AGBL1: variants seen among roughly 807,000 people sequenced by gnomAD.
AGBL1 encodes AGBL carboxypeptidase 1, also known as cytosolic carboxypeptidase 4.
In AGBL1, 130 loss-of-function variants were observed where a neutral mutation model predicts 118.9. The ratio of observed to expected loss-of-function variants is 1.09; its 90% CI spans 0.95 to 1.26. The LOEUF (loss-of-function observed/expected upper bound fraction) is 1.26. Among genes scored for constraint, AGBL1 ranks in the 50% most tolerant of loss-of-function variants. AGBL1 has a pLI of 0.00. For synonymous variants in AGBL1, 555 were observed against 478.9 expected (o/e 1.16, Z -2.08); for missense variants, 1,584 against 1,298.1 (o/e 1.22, Z -3.38).
intron 5 of AGBL1, among the ~76,000 whole-genome samples, chr15:86,199,612 G>T (rs1047411779): frequency 6.6e-6 from 1 of 152,162 alleles, no homozygotes; most frequent in Non-Finnish European, 1.5e-5. Flanking sequence ...ACACTGAACT[G>T]TTACGGAAAT....
chr15:86,199,899 A>C (rs1367496867), intron 5 of AGBL1, among the ~76,000 whole-genome samples: 1 of 152,236 alleles, frequency 6.6e-6, no homozygotes, highest in African/African-American at 2.4e-5. Context: ...CCCTAAAGCC[A>C]TCCAATCCTA....
chr15:87,019,195 G>A (rs2570111), intron 24 of AGBL1, among the ~76,000 whole-genome samples: 54,066 of 151,594 alleles, frequency 0.36, 10,238 homozygotes, highest in East Asian at 0.51. Flanking sequence ...CTCCATGGAC[G>A]TTATTAGACA....
intron 18 of AGBL1, among the ~76,000 whole-genome samples, chr15:86,400,605 C>A (rs373560727): frequency 2.9e-4 from 41 of 138,984 alleles, no homozygotes; most frequent in African/African-American, 1.0e-3. Context: ...TTATCCCTCA[C>A]CCCCCAACTC....
At chr15:86,883,187 A>G (rs1259389072) in intron 22 of AGBL1, among the ~76,000 whole-genome samples, 1 of 152,366 alleles carries the variant, frequency 6.6e-6, no homozygotes, top group East Asian at 1.9e-4. Flanking sequence ...TGAACAAGTT[A>G]TATTTAAATA....
chr15:86,204,535 TTTCTC>T lies in AGBL1; in HGVS notation c.489-20366_489-20362del, dbSNP rs758949299. On this transcript the variant is annotated intron_variant, in intron 5 of 22. Coordinates refer to ENST00000614907, the MANE Select transcript of AGBL1 (RefSeq NM_001386094.1). ...CCCCTTCCCCTTCCTTCCTTCCTTTTTTCTCTTCTCTTCTCTTTGCTTGCTTGCTC... is the reference window on the plus strand; with the variant it reads ...CCCCTTCCCCTTCCTTCCTTCCTTTTTTCTCTTCTCTTTGCTTGCTTGCTC... Among the ~76,000 whole-genome samples the T allele has an allele frequency of 4.9e-3, 740 of 151,516 alleles. 4 individuals carry two copies. Among genetic ancestry groups the T allele is most frequent in the African/African-American group, 0.011 (456 of 41,264 alleles).
At chr15:86,583,667 T>C (rs2084206062) in intron 21 of AGBL1, among the ~76,000 whole-genome samples, 1 of 152,110 alleles carries the variant, frequency 6.6e-6, no homozygotes, top group Admixed American at 6.6e-5. Flanking sequence ...TTTAGACTGA[T>C]CATTTTAGAA....
chr15:86,241,321 T>C (rs2078638415), intron 6 of AGBL1, among the ~76,000 whole-genome samples: 1 of 152,222 alleles, frequency 6.6e-6, no homozygotes, highest in African/African-American at 2.4e-5. Flanking sequence ...ATTGAGCACA[T>C]ACTTTATGTC....
chr15:86,477,753 A>G (rs762968960), intron 18 of AGBL1, among the ~76,000 whole-genome samples: 2 of 152,212 alleles, frequency 1.3e-5, no homozygotes, highest in South Asian at 2.1e-4. Context: ...TCGTTCTGAG[A>G]CCAAAGCCTG....
At chr15:86,539,473 G>A (rs1437722942) in intron 19 of AGBL1, among the ~76,000 whole-genome samples, 14 of 152,078 alleles carry the variant, frequency 9.2e-5, no homozygotes, top group Admixed American at 1.3e-4. Flanking sequence ...TCTGTTCTTC[G>A]TTCTAATGAT....
chr15:86,778,511 G>A (rs993340584), intron 22 of AGBL1, among the ~76,000 whole-genome samples: 1 of 152,108 alleles, frequency 6.6e-6, no homozygotes, highest in African/African-American at 2.4e-5. Context: ...CCTCAGGGAC[G>A]CATTCTCTTT....
At chr15:86,399,808 G>T (rs1310809089) in intron 18 of AGBL1, among the ~76,000 whole-genome samples, 1 of 152,138 alleles carries the variant, frequency 6.6e-6, no homozygotes, top group Non-Finnish European at 1.5e-5. Context: ...CTTCTCCTTA[G>T]TGACACTGGC....
chr15:86,160,543 A>G (rs1158268198), intron 5 of AGBL1, among the ~76,000 whole-genome samples: 2 of 152,118 alleles, frequency 1.3e-5, no homozygotes, highest in Admixed American at 6.5e-5. Flanking sequence ...CATATATATG[A>G]CTTGGATATG....
At chr15:86,822,252 T>A (rs1209433725) in intron 22 of AGBL1, among the ~76,000 whole-genome samples, 1 of 152,180 alleles carries the variant, frequency 6.6e-6, no homozygotes, top group Non-Finnish European at 1.5e-5. Flanking sequence ...TTGTTCTTGA[T>A]CACACATGAT....
chr15:86,960,811 A>G (rs1285365030), intron 23 of AGBL1, among the ~76,000 whole-genome samples: 4 of 152,086 alleles, frequency 2.6e-5, no homozygotes, highest in African/African-American at 4.8e-5. Context: ...GAATGACATT[A>G]TGCTAAGTGA....
At chr15:86,451,690 C>T (rs538918746) in intron 18 of AGBL1, among the ~76,000 whole-genome samples, 10 of 152,226 alleles carry the variant, frequency 6.6e-5, no homozygotes, top group African/African-American at 2.2e-4. Context: ...TTTCCATTTT[C>T]CATTACCTAC....
intron 16 of AGBL1, among the ~76,000 whole-genome samples, chr15:86,295,047 T>C (rs1046945586): frequency 1.3e-5 from 2 of 152,228 alleles, no homozygotes; most frequent in African/African-American, 2.4e-5. Context: ...TGCCAAAACA[T>C]GCAGGAATGA....
chr15:86,654,250 T>C (rs2085425533), intron 21 of AGBL1, among the ~76,000 whole-genome samples: 1 of 152,136 alleles, frequency 6.6e-6, no homozygotes, highest in South Asian at 2.1e-4. Flanking sequence ...TCTCTACTCC[T>C]CCCCTAGAGC....
chr15:86,120,567 C>A (rs1484557604), intron 1 of AGBL1, among the ~76,000 whole-genome samples: 12 of 152,186 alleles, frequency 7.9e-5, no homozygotes, highest in Non-Finnish European at 1.6e-4. Flanking sequence ...TGGCTGTGAA[C>A]CACCTCCACT....
At chr15:86,804,114 CAG>C (rs1262387031) in intron 22 of AGBL1, among the ~76,000 whole-genome samples, 2 of 152,008 alleles carry the variant, frequency 1.3e-5, no homozygotes, top group African/African-American at 2.4e-5. Context: ...TGGGAAGTGA[CAG>C]AAATTCCAGC....
Sources: gnomAD v4.1 joint callset for allele counts (sites outside exome capture counted in the v4.1 genomes callset) on GRCh38, gnomAD v4.1.1 for gene constraint, MANE v1.5 for transcripts, NCBI Gene and HGNC (gene_info 2026-07-23, HGNC 2026-07-21) for gene names.